CNTNAP2: variants seen among roughly 807,000 people sequenced by gnomAD.
The protein encoded by CNTNAP2 is contactin associated protein 2, also known as contactin-associated protein-like 2.
CNTNAP2 carries 98 observed loss-of-function variants against 155.2 expected under a neutral mutation model. That is an observed-to-expected ratio of 0.63 (90% CI 0.54 to 0.75). The LOEUF (loss-of-function observed/expected upper bound fraction) is 0.75, where lower values mean the gene tolerates loss of function less well. Ranked by LOEUF, CNTNAP2 falls within the 30% of genes least tolerant of loss-of-function variation. The pLI is 0.00. For missense variants in CNTNAP2, 1,727 were observed against 1,688.1 expected, an observed-to-expected ratio of 1.02 and a Z score of -0.40; for synonymous variants, 651 against 631.2, an observed-to-expected ratio of 1.03 and a Z score of -0.47.
chr7:147,977,708 G>A (rs1205293795), intron 14 of CNTNAP2, among the ~76,000 whole-genome samples, 154 bp from the exon 15 acceptor site: 1 of 152,312 alleles, frequency 6.6e-6, no homozygotes, highest in South Asian at 2.1e-4. Context: ...ACCACCTATG[G>A]AAGAGAGAGA....
chr7:146,315,566 C>A (rs965005501), intron 1 of CNTNAP2, among the ~76,000 whole-genome samples: 1 of 152,172 alleles, frequency 6.6e-6, no homozygotes, highest in African/African-American at 2.4e-5. Flanking sequence ...CCACTCATGG[C>A]TATTTACTTG....
intron 8 of CNTNAP2, among the ~76,000 whole-genome samples, chr7:147,192,574 C>T (rs528243605): frequency 3.2e-4 from 49 of 152,096 alleles, no homozygotes; most frequent in Admixed American, 2.7e-3. Flanking sequence ...GACTCAGAAA[C>T]AGGCTAACAT....
chr7:147,848,261 T>G (rs530294619), intron 13 of CNTNAP2, among the ~76,000 whole-genome samples: 5 of 148,004 alleles, frequency 3.4e-5, no homozygotes, highest in Non-Finnish European at 7.5e-5. Context: ...TCCGTAGGCG[T>G]AGGACCCTCT....
chr7:146,124,090 G>A (rs1265904250), intron 1 of CNTNAP2, among the ~76,000 whole-genome samples: 1 of 152,138 alleles, frequency 6.6e-6, no homozygotes, highest in Non-Finnish European at 1.5e-5. Context: ...ACACACCCGG[G>A]CCTGTTGAGG....
intron 1 of CNTNAP2, among the ~76,000 whole-genome samples, chr7:146,703,419 A>G (rs905432981): frequency 6.6e-6 from 1 of 152,172 alleles, no homozygotes; most frequent in African/African-American, 2.4e-5. Flanking sequence ...TTAATGTTGA[A>G]CAAAATCAAA....
chr7:146,275,785 A>T (rs1451659507), intron 1 of CNTNAP2, among the ~76,000 whole-genome samples: 4 of 152,214 alleles, frequency 2.6e-5, no homozygotes, highest in African/African-American at 9.6e-5. Flanking sequence ...TCGTTTATAG[A>T]ACTGGAGGTT....
intron 1 of CNTNAP2, among the ~76,000 whole-genome samples, chr7:146,597,274 T>G (rs1798876493): frequency 6.6e-6 from 1 of 152,076 alleles, no homozygotes; most frequent in African/African-American, 2.4e-5. Context: ...TTATTTAGTG[T>G]GCTTTACTAT....
At chr7:147,391,186 G>T (rs1439842568) in intron 9 of CNTNAP2, among the ~76,000 whole-genome samples, 1 of 152,086 alleles carries the variant, frequency 6.6e-6, no homozygotes, top group East Asian at 1.9e-4. Context: ...AGACTCTCTG[G>T]TTCAAAAGTG....
intron 13 of CNTNAP2, among the ~76,000 whole-genome samples, chr7:147,711,794 A>C (rs529284265): frequency 6.6e-6 from 1 of 152,324 alleles, no homozygotes; most frequent in South Asian, 2.1e-4. Context: ...AAGTTCTGCA[A>C]CATAAATACT....
At chr7:147,968,425 A>G (rs565521105) in intron 14 of CNTNAP2, among the ~76,000 whole-genome samples, 1 of 152,298 alleles carries the variant, frequency 6.6e-6, no homozygotes, top group South Asian at 2.1e-4. Flanking sequence ...ATTGCTTCCT[A>G]GCAACACTAG....
At chr7:148,365,448 T>A (rs1356301574) in intron 21 of CNTNAP2, among the ~76,000 whole-genome samples, 2 of 152,130 alleles carry the variant, frequency 1.3e-5, no homozygotes, top group African/African-American at 4.8e-5. Context: ...GCAGACTCCC[T>A]GAGGTCAGCA....
intron 3 of CNTNAP2, among the ~76,000 whole-genome samples, chr7:146,895,916 T>C (rs1397914354): frequency 2.0e-5 from 3 of 152,144 alleles, no homozygotes; most frequent in Non-Finnish European, 4.4e-5. Flanking sequence ...CTAAAGTATC[T>C]TTCTGTGGAG....
At chr7:147,544,596 A>G (rs116021254) in intron 11 of CNTNAP2, among the ~76,000 whole-genome samples, 4 of 152,056 alleles carry the variant, frequency 2.6e-5, no homozygotes, top group Admixed American at 2.6e-4. Context: ...TGGGCCCTAG[A>G]AACTTGTGCC....
chr7:147,451,804 A>G (rs1797839050), intron 10 of CNTNAP2, among the ~76,000 whole-genome samples: 1 of 150,676 alleles, frequency 6.6e-6, no homozygotes, highest in Non-Finnish European at 1.5e-5. Flanking sequence ...TTTAATTGCC[A>G]TTGTAAGAAT....
intron 1 of CNTNAP2, among the ~76,000 whole-genome samples, chr7:146,514,697 T>C (rs1440862520): frequency 6.6e-6 from 1 of 151,844 alleles, no homozygotes; most frequent in African/African-American, 2.4e-5. Flanking sequence ...ACTCATACCA[T>C]CTCATTAGGG....
At chr7:147,288,178 TTTGTCA>T (rs1455181094) in intron 8 of CNTNAP2, among the ~76,000 whole-genome samples, 1 of 152,272 alleles carries the variant, frequency 6.6e-6, no homozygotes, top group East Asian at 1.9e-4. Flanking sequence ...GCATTACCCT[TTTGTCA>T]ATCATTCTTA....
intron 5 of CNTNAP2, among the ~76,000 whole-genome samples, chr7:147,119,513 T>G (rs1259046532): frequency 2.0e-5 from 3 of 152,186 alleles, no homozygotes; most frequent in African/African-American, 7.2e-5. Flanking sequence ...GTGTGACCTT[T>G]TCACTTAGTT....
intron 15 of CNTNAP2, among the ~76,000 whole-genome samples, chr7:148,027,862 C>T (rs1449636118): frequency 6.6e-6 from 1 of 152,072 alleles, no homozygotes; most frequent in Non-Finnish European, 1.5e-5. Context: ...TCAACTTGGG[C>T]CTCTCAATTT....
chr7:147,983,115 C>T (rs1039667257), intron 15 of CNTNAP2, among the ~76,000 whole-genome samples: 4 of 151,074 alleles, frequency 2.6e-5, no homozygotes, highest in African/African-American at 2.4e-5. Flanking sequence ...CCAACAGGGG[C>T]GCACATGGCA....
Sources: gnomAD v4.1 joint callset for allele counts (sites outside exome capture counted in the v4.1 genomes callset) on GRCh38, gnomAD v4.1.1 for gene constraint, MANE v1.5 for transcripts, NCBI Gene and HGNC (gene_info 2026-07-23, HGNC 2026-07-21) for gene names.